The following CTNNBL1 variants were observed in gnomAD, a reference collection of about 807,000 sequenced individuals.
CTNNBL1 encodes the protein catenin beta like 1, also known as beta-catenin-like protein 1.
Under a neutral mutation model 72.7 loss-of-function variants are expected in CTNNBL1, and 31 were observed. The ratio of observed to expected loss-of-function variants is 0.43; its 90% CI spans 0.32 to 0.58. The LOEUF (loss-of-function observed/expected upper bound fraction) is 0.58. Among genes scored for constraint, CTNNBL1 ranks in the 20% least tolerant of loss-of-function variants. The pLI, the probability that CTNNBL1 is intolerant of heterozygous loss-of-function variation, is 0.08. For missense variants in CTNNBL1, 534 were observed against 725.1 expected (o/e 0.74, Z 3.03); for synonymous variants, 240 against 267.3 (o/e 0.90, Z 1.00).
At chr20:37,704,710 C>CA (rs761731368) in intron 1 of CTNNBL1, among the ~76,000 whole-genome samples, 199 of 136,724 alleles carry the variant, frequency 1.5e-3, no homozygotes, top group Middle Eastern at 7.5e-3. Flanking sequence ...GATCCTGTCT[C>CA]AAAAAAAAAA....
Position 37,866,782 on chromosome 20 carries a change from G to C in CTNNBL1, c.1604-5143G>C, listed in dbSNP as rs1350621375. ...CTCAGGAAGCCTCCAAAGTTAAAAT[G>C]CAGTTGGGTGCCTGGGACCAAGTTA... On this transcript the variant is annotated intron_variant, in intron 15 of 15. Coordinates refer to ENST00000361383, the MANE Select transcript of CTNNBL1 (RefSeq NM_030877.5). Among the ~76,000 whole-genome samples, 4 of 152,188 alleles carry C rather than the reference G, an allele frequency of 2.6e-5. No homozygotes were observed. The East Asian group carries it at 7.7e-4, about 29-fold the overall frequency.
intron 11 of CTNNBL1, among the ~76,000 whole-genome samples, chr20:37,827,149 C>A (rs2072167488): frequency 6.6e-6 from 1 of 152,336 alleles, no homozygotes; most frequent in South Asian, 2.1e-4. Context: ...TTTTGAGATT[C>A]ACCATAGGTT....
intron 11 of CTNNBL1, among the ~76,000 whole-genome samples, chr20:37,820,882 T>G (rs1429666928): frequency 6.6e-6 from 1 of 152,208 alleles, no homozygotes; most frequent in Non-Finnish European, 1.5e-5. Flanking sequence ...GGCTGTAAAG[T>G]ATGAATAAGA....
intron 10 of CTNNBL1, among the ~76,000 whole-genome samples, chr20:37,800,332 G>T (rs1383474076): frequency 6.6e-6 from 1 of 152,078 alleles, no homozygotes; most frequent in African/African-American, 2.4e-5. Context: ...CTCTCTTGGG[G>T]TTCCTCCTCC....
chr20:37,794,222 C>T (rs1395882076), intron 10 of CTNNBL1, among the ~76,000 whole-genome samples: 1 of 151,930 alleles, frequency 6.6e-6, no homozygotes, highest in African/African-American at 2.4e-5. Context: ...TTCCTTCTGC[C>T]TAAATGACTT....
At chr20:37,851,006 G>A (rs954316925) in intron 13 of CTNNBL1, among the ~76,000 whole-genome samples, 1 of 152,182 alleles carries the variant, frequency 6.6e-6, no homozygotes, top group Non-Finnish European at 1.5e-5. Flanking sequence ...AGAGATGGAG[G>A]CATGTGCAAA....
At chr20:37,768,526 G>T (rs968602181) in intron 7 of CTNNBL1, among the ~76,000 whole-genome samples, 2 of 152,122 alleles carry the variant, frequency 1.3e-5, no homozygotes, top group Non-Finnish European at 2.9e-5. Context: ...ATTCCCACTG[G>T]TAAGTTTGTA....
chr20:37,757,704 G>A (rs747017219), intron 5 of CTNNBL1, 48 bp downstream of exon 5: 5 of 1,417,330 alleles, frequency 3.5e-6, no homozygotes, highest in East Asian at 4.6e-5. Flanking sequence ...TAAGTTGTTG[G>A]CATTGCCACC....
chr20:37,727,322 A>C, intron 1 of CTNNBL1: 12 of 984,030 alleles, frequency 1.2e-5, no homozygotes, highest in Non-Finnish European at 1.4e-5. Context: ...GGAGACACGC[A>C]CACACACAGG....
At chr20:37,831,791 G>A (rs2072212367) in intron 11 of CTNNBL1, among the ~76,000 whole-genome samples, 1 of 152,156 alleles carries the variant, frequency 6.6e-6, no homozygotes, top group African/African-American at 2.4e-5. Context: ...AGAATTTTGA[G>A]AAAAGGGAGG....
chr20:37,774,616 A>G (rs1600479782), intron 7 of CTNNBL1, among the ~76,000 whole-genome samples: 1 of 152,222 alleles, frequency 6.6e-6, no homozygotes, highest in African/African-American at 2.4e-5. Flanking sequence ...TCTTACAGCA[A>G]AAGGTGGAGA....
chr20:37,833,166 C>A (rs2235478), intron 11 of CTNNBL1, among the ~76,000 whole-genome samples: 1 of 152,078 alleles, frequency 6.6e-6, no homozygotes, highest in Non-Finnish European at 1.5e-5. Flanking sequence ...TGTTTCCATA[C>A]TCAGAACCCC....
At position 37,777,339 on chromosome 20, in the gene CTNNBL1, C is replaced by T; in HGVS notation, c.751-6C>T. ...CATTTTTCTCATTTCTCCTATTTCC[C>T]CATAGGCAAAGATGCCTTTTGATGC... is the stretch of plus-strand genomic sequence containing the variant. On this transcript the variant is annotated splice_region_variant and splice_polypyrimidine_tract_variant and intron_variant, in intron 7 of 15. Coordinates refer to ENST00000361383, the MANE Select transcript of CTNNBL1 (RefSeq NM_030877.5). 1.2e-6 allele frequency: 2 copies of T among 1,612,686 alleles called. No individual in the cohort carries two copies. Among genetic ancestry groups the T allele is most frequent in the Non-Finnish European group, 1.7e-6 (2 of 1,178,710 alleles).
chr20:37,783,091 G>A (rs1033951663), intron 10 of CTNNBL1, among the ~76,000 whole-genome samples: 4 of 151,920 alleles, frequency 2.6e-5, no homozygotes, highest in Non-Finnish European at 5.9e-5. Context: ...AAATATTTTT[G>A]GCAGAGACAG....
chr20:37,695,765 C>G (rs1008924305), intron 1 of CTNNBL1, among the ~76,000 whole-genome samples: 1 of 152,170 alleles, frequency 6.6e-6, no homozygotes, highest in Non-Finnish European at 1.5e-5. Context: ...GGGACAGTGA[C>G]GGTAGCTGCC....
In CTNNBL1 at chr20:37,859,458, T is replaced by C. The variant is rs372488407; in HGVS notation, c.1393-441T>C. ...AGAAGTACAGTTTCTACTGCATGCC[T>C]GTCACTCTTACCTCATCATAAAGTC... is the stretch of plus-strand genomic sequence containing the variant. On this transcript the variant is annotated intron_variant, in intron 13 of 15. Coordinates refer to ENST00000361383, the MANE Select transcript of CTNNBL1 (RefSeq NM_030877.5). 3.3e-5 allele frequency among the ~76,000 whole-genome samples: 5 copies of C among 152,202 alleles called. No individual in the cohort carries two copies. In the East Asian group the frequency reaches 5.8e-4, roughly 18 times the overall value.
intron 7 of CTNNBL1, among the ~76,000 whole-genome samples, chr20:37,772,110 C>T (rs970705995): frequency 6.6e-6 from 1 of 152,210 alleles, no homozygotes; most frequent in African/African-American, 2.4e-5. Context: ...ATCACCTGGC[C>T]AACTTGAATA....
At chr20:37,869,298 G>T (rs150808647) in intron 15 of CTNNBL1, among the ~76,000 whole-genome samples, 89 of 152,328 alleles carry the variant, frequency 5.8e-4, no homozygotes, top group African/African-American at 2.1e-3. Flanking sequence ...GACAGGGGAG[G>T]GGTGAGAGGT....
chr20:37,767,955 A>G lies in CTNNBL1; in HGVS notation c.661A>G (p.Ile221Val). ...GACTGGTGTCTGTCTCCCTTCAGCT[A>G]TTGTGGAAAACATGGCTGAGTTCCG... ...EADGVHNTLA[I>V]VENMAEFRPE... Residue 221 changes from isoleucine (I) to valine (V), a missense_variant and splice_region_variant, in exon 7 of 16, where the codon ATT (isoleucine) becomes GTT (valine). By Grantham distance (29) the Ile-to-Val change is conservative. Coordinates refer to ENST00000361383, the MANE Select transcript of CTNNBL1 (RefSeq NM_030877.5). 6 of 1,613,820 alleles carry G rather than the reference A, an allele frequency of 3.7e-6. No individual in the cohort carries two copies. The highest frequency in any genetic ancestry group is 5.1e-6 in the Non-Finnish European group (6 of 1,179,760).
Sources: allele counts gnomAD v4.1 joint callset (sites outside exome capture counted in the v4.1 genomes callset), GRCh38; gene constraint gnomAD v4.1.1; transcripts MANE v1.5; gene names NCBI Gene and HGNC (gene_info 2026-07-23, HGNC 2026-07-21).